The following PSMA7 variants were observed in gnomAD, a reference collection of about 807,000 sequenced individuals.
PSMA7 encodes the protein proteasome subunit alpha type-7.
Under a neutral mutation model 31.3 loss-of-function variants are expected in PSMA7, and 5 were observed. The ratio of observed to expected loss-of-function variants is 0.16; its 90% CI spans 0.08 to 0.34. The LOEUF is 0.34. PSMA7 is among the 10% of genes least tolerant of loss of function. The pLI is 1.00. For missense variants in PSMA7, 217 were observed against 327.5 expected, an observed-to-expected ratio of 0.66 and a Z score of 2.60; for synonymous variants, 155 against 121.9, an observed-to-expected ratio of 1.27 and a Z score of -1.79.
At chr20:62,138,721 ATTTT>A (rs2056909836) in intron 4 of PSMA7, among the ~76,000 whole-genome samples, 1 of 151,272 alleles carries the variant, frequency 6.6e-6, no homozygotes, top group Admixed American at 6.6e-5. Flanking sequence ...TGCCCAGCAA[ATTTT>A]TTTTGTATTT....
intron 5 of PSMA7, among the ~76,000 whole-genome samples, chr20:62,137,872 C>CA (rs1201723006): frequency 6.6e-6 from 1 of 152,226 alleles, no homozygotes; most frequent in Non-Finnish European, 1.5e-5. Context: ...GGCTCGAGAA[C>CA]AGATTCCACA....
rs1247237090 is a variant in PSMA7 at position 62,138,295 on chromosome 20, A to G, written c.472-5T>C. ...ACCCCGACCTATGGCATTGGCCTAA[A>G]ACAGACACGTATGTTCTCACGTGGC... On this transcript the variant is annotated splice_polypyrimidine_tract_variant and splice_region_variant and intron_variant, in intron 4 of 6. Coordinates refer to ENST00000370873, the MANE Select transcript of PSMA7 (RefSeq NM_002792.4). 6.2e-7 allele frequency: 1 copy of G among 1,602,702 alleles called. No individual in the cohort carries two copies. Among genetic ancestry groups the G allele is most frequent in the Admixed American group, 1.7e-5 (1 of 59,244 alleles).
chr20:62,139,460 A>G (rs781768740), intron 3 of PSMA7: 2 of 637,616 alleles, frequency 3.1e-6, no homozygotes, highest in East Asian at 2.7e-5. Flanking sequence ...CTGCTTACAT[A>G]CTAATGGCGT....
intron 2 of PSMA7, 92 bp from the exon 3 acceptor site, chr20:62,139,997 G>C (rs940664972): frequency 6.8e-7 from 1 of 1,473,214 alleles, no homozygotes; most frequent in Non-Finnish European, 9.1e-7. Flanking sequence ...ACCTTCCACA[G>C]ACCCCCCAAA....
At chr20:62,143,096 C>T (rs1365793302) in intron 1 of PSMA7, 112 bp downstream of exon 1, 17 of 547,788 alleles carry the variant, frequency 3.1e-5, no homozygotes, top group East Asian at 1.4e-4. Flanking sequence ...CGCCGCTGCC[C>T]CGCGCACGCC....
At chr20:62,138,901 T>C (rs1442451649) in intron 4 of PSMA7, among the ~76,000 whole-genome samples, 174 bp downstream of exon 4, 1 of 152,204 alleles carries the variant, frequency 6.6e-6, no homozygotes, top group African/African-American at 2.4e-5. Flanking sequence ...CTTGCTGCCC[T>C]TTGATTTTCT....
At chr20:62,138,868 A>G (rs935120821) in intron 4 of PSMA7, among the ~76,000 whole-genome samples, 2 of 152,164 alleles carry the variant, frequency 1.3e-5, no homozygotes, top group Non-Finnish European at 2.9e-5. Context: ...AAGAATTTTA[A>G]TTTATGTGGA....
At chr20:62,141,943 C>T (rs2056930725) in intron 1 of PSMA7, among the ~76,000 whole-genome samples, 1 of 152,248 alleles carries the variant, frequency 6.6e-6, no homozygotes, top group Non-Finnish European at 1.5e-5. Context: ...TTCTCCAGCT[C>T]AGCACTGTGA....
chr20:62,136,777 TG>T lies in PSMA7; in HGVS notation c.*79del, dbSNP rs2056896082. On this transcript the variant is annotated 3_prime_UTR_variant, in exon 7 of 7. Transcript: ENST00000370873. ...TTGTAGGACACTCAGTGTGAATAAA[TG>T]GAATGGAAAGGCCTACACATCGAGA... 2.0e-6 allele frequency: 3 copies of T among 1,511,032 alleles called. No homozygotes were observed. The highest frequency in any genetic ancestry group is 4.9e-5 in the Admixed American group (2 of 41,112). The allele number at this position is 1,511,032 out of a possible 1,614,324, so 93.6% of individuals were successfully genotyped here. A position where few individuals can be genotyped will look rare whatever the true frequency, so the allele number is the denominator to read the frequency against.
intron 3 of PSMA7, chr20:62,139,572 G>T: frequency 1.2e-6 from 1 of 824,490 alleles, no homozygotes; most frequent in Non-Finnish European, 1.9e-6. Context: ...CAGGAATTTG[G>T]AATATCCCAT....
In PSMA7 at chr20:62,136,920, A is replaced by G. The variant is rs868363222; in HGVS notation, c.684T>C (p.Tyr228=). ...CTTTTTCTTTTTCAATTTCAGCAAC[A>G]TACTTCTCAATTTCTTCAGGATTTA... The part of the protein sequence containing the change: ...KILNPEEIEK[Y]VAEIEKEKEE... Residue 228 remains tyrosine (Y), a synonymous_variant, in exon 7 of 7, where the codon TAT becomes TAC. Transcript: ENST00000370873. The G allele has an allele frequency of 8.7e-6, 14 of 1,601,368 alleles. No homozygotes were observed. In the African/African-American group the frequency reaches 9.5e-5, roughly 11 times the overall value.
chr20:62,139,217 G>A lies in PSMA7; in HGVS notation c.349-20C>T, dbSNP rs2056912645. 1 of 1,607,886 alleles carries A rather than the reference G, an allele frequency of 6.2e-7. No homozygotes were observed. On this transcript the variant is annotated intron_variant, in intron 3 of 6. Transcript: ENST00000370873. ...ATAACGCTAGCAAGAAAAGAAACAG[G>A]TCAGTGCCATCCAATTAAGAAACTG...
At chr20:62,138,982 G>T in intron 4 of PSMA7, 93 bp downstream of exon 4, 1 of 1,478,534 alleles carries the variant, frequency 6.8e-7, no homozygotes. Context: ...CTCATTCACT[G>T]ATACAGGGCC....
rs997108775 is a variant in PSMA7, at chr20:62,138,037, A to G, written c.591+134T>C. The G allele has an allele frequency of 2.5e-6, 3 of 1,185,122 alleles. No homozygotes were observed. In the African/African-American group the frequency reaches 4.5e-5, roughly 18 times the overall value. The allele number at this position is 1,185,122 out of a possible 1,614,324, so 73.4% of individuals were successfully genotyped here. On this transcript the variant is annotated intron_variant, in intron 5 of 6. Coordinates refer to ENST00000370873, the MANE Select transcript of PSMA7 (RefSeq NM_002792.4). ...GTTAGGATACACCATAGACCAGAGCAGTGCCTGGAACACAGCAGTCATTAA... is the reference window on the plus strand; with the variant it reads ...GTTAGGATACACCATAGACCAGAGCGGTGCCTGGAACACAGCAGTCATTAA...
intron 4 of PSMA7, among the ~76,000 whole-genome samples, chr20:62,138,673 G>GCCT (rs1455221141): frequency 2.0e-5 from 3 of 151,270 alleles, no homozygotes; most frequent in Non-Finnish European, 2.9e-5. Context: ...TCCTGCCTCA[G>GCCT]CCTCCTGAGT....
intron 5 of PSMA7, 145 bp downstream of exon 5, chr20:62,138,026 T>C (rs577910812): frequency 6.3e-6 from 7 of 1,106,486 alleles, no homozygotes; most frequent in African/African-American, 3.1e-5. Flanking sequence ...GGATACACCA[T>C]AGACCAGAGC....
chr20:62,140,743 C>T (rs957362439), intron 2 of PSMA7, 75 bp downstream of exon 2: 11 of 1,551,664 alleles, frequency 7.1e-6, no homozygotes, highest in Admixed American at 5.3e-5. Context: ...AGCCCACACA[C>T]CCAAGTTAAT....
At position 62,143,285 on chromosome 20, in the gene PSMA7, T is replaced by C. The variant is rs746845747; in HGVS notation, c.19A>G (p.Ile7Val). The change falls in exon 1 of 7, where the codon ATC (isoleucine) becomes GTC (valine). Residue 7 changes from isoleucine (I) to valine (V), a missense_variant. By Grantham distance (29) the Ile-to-Val change is conservative. Transcript: ENST00000370873. MSYDRAITVFSPDGHLF... is the reference protein window; with the variant it reads MSYDRAVTVFSPDGHLF... ...TGGCCGTCGGGCGAGAAGACGGTGA[T>C]GGCGCGGTCGTAGCTCATGCCGGCG... is the stretch of plus-strand genomic sequence containing the variant. 6.8e-7 allele frequency: 1 copy of C among 1,469,404 alleles called. No homozygotes were observed. 91.0% of individuals were successfully genotyped at this position (1,469,404 alleles called of 1,614,324 possible).
intron 3 of PSMA7, 22 bp downstream of exon 3, chr20:62,139,759 A>G (rs760060658): frequency 6.2e-7 from 1 of 1,613,876 alleles, no homozygotes; most frequent in South Asian, 1.1e-5. Context: ...AGAGGTGAGC[A>G]TGCAAGCGGG....
Sources: gnomAD v4.1 joint callset for allele counts (sites outside exome capture counted in the v4.1 genomes callset) on GRCh38, gnomAD v4.1.1 for gene constraint, MANE v1.5 for transcripts, NCBI Gene and HGNC (gene_info 2026-07-23, HGNC 2026-07-21) for gene names.